Variants in LITAF observed in about 807,000 individuals in gnomAD.
LITAF encodes the protein lipopolysaccharide induced TNF factor.
In LITAF, 9 loss-of-function variants were observed where a neutral mutation model predicts 14.5. That is an observed-to-expected ratio of 0.62 (90% CI 0.37 to 1.08). LITAF has a LOEUF of 1.08. Among genes scored for constraint, LITAF ranks in the 50% least tolerant of loss-of-function variants. The pLI is 0.01. For synonymous variants in LITAF, 98 were observed against 88.2 expected (o/e 1.11, Z -0.62); for missense variants, 206 against 213.4 (o/e 0.97, Z 0.22).
chr16:11,601,977 A>T (rs541278642), upstream of LITAF, among the ~76,000 whole-genome samples: 1 of 152,324 alleles, frequency 6.6e-6, no homozygotes, highest in African/African-American at 2.4e-5. Context: ...ACATGACCTC[A>T]ATAGTGATAG....
At chr16:11,568,680 T>C (rs1047307410) in intron 1 of LITAF, among the ~76,000 whole-genome samples, 1 of 126,440 alleles carries the variant, frequency 7.9e-6, no homozygotes, top group Non-Finnish European at 1.7e-5. Flanking sequence ...CTTGTTTTTT[T>C]TTGTTTTTTT....
At chr16:11,581,395 G>A (rs1263130732) in intron 1 of LITAF, among the ~76,000 whole-genome samples, 1 of 152,160 alleles carries the variant, frequency 6.6e-6, no homozygotes, top group African/African-American at 2.4e-5. Context: ...GCCTGTAATG[G>A]CAATACTTTG....
At chr16:11,568,949 G>C (rs992830579) in intron 1 of LITAF, among the ~76,000 whole-genome samples, 1 of 152,074 alleles carries the variant, frequency 6.6e-6, no homozygotes, top group African/African-American at 2.4e-5. Flanking sequence ...CAAAGTGCTG[G>C]AATTACAGGC....
chr16:11,559,653 T>C (rs1455498395), intron 1 of LITAF, among the ~76,000 whole-genome samples: 5 of 151,846 alleles, frequency 3.3e-5, no homozygotes, highest in Non-Finnish European at 4.4e-5. Flanking sequence ...TATATGAAGT[T>C]AAGTAAAATG....
At chr16:11,624,036 G>A (rs1029020860) in intron 3 of LITAF, among the ~76,000 whole-genome samples, 1 of 152,122 alleles carries the variant, frequency 6.6e-6, no homozygotes. Flanking sequence ...TGTAATCCCA[G>A]TACTTTGGGA....
chr16:11,595,013 A>T (rs2064873942), intron 1 of LITAF, among the ~76,000 whole-genome samples: 1 of 152,196 alleles, frequency 6.6e-6, no homozygotes, highest in African/African-American at 2.4e-5. Flanking sequence ...CTAATGTTTC[A>T]AGAACAAATG....
intron 1 of LITAF, among the ~76,000 whole-genome samples, chr16:11,596,835 T>G (rs1045304202): frequency 4.3e-3 from 392 of 91,800 alleles, no homozygotes; most frequent in Admixed American, 5.8e-3. Flanking sequence ...GAGGAGGAGG[T>G]GGTGGGGAGG....
At chr16:11,592,899 G>A (rs1396823088) in intron 1 of LITAF, among the ~76,000 whole-genome samples, 2 of 152,100 alleles carry the variant, frequency 1.3e-5, no homozygotes, top group African/African-American at 4.8e-5. Flanking sequence ...GGCCGGGTGT[G>A]GTGGCTCACG....
intron 1 of LITAF, among the ~76,000 whole-genome samples, chr16:11,567,010 T>A (rs2064460915): frequency 6.6e-6 from 1 of 152,186 alleles, no homozygotes; most frequent in Non-Finnish European, 1.5e-5. Context: ...AGAACTGGAA[T>A]CCGTGAATTG....
rs28522129 is a variant in LITAF, at chr16:11,558,916, T to C, written c.-5-2181A>G. Among the ~76,000 whole-genome samples the C allele has an allele frequency of 9.5e-3, 1,441 of 152,192 alleles. 17 individuals carry two copies. Among genetic ancestry groups the C allele is most frequent in the African/African-American group, 0.033 (1,357 of 41,524 alleles). On this transcript the variant is annotated intron_variant, in intron 1 of 3. Transcript: ENST00000622633. This position sits in a 1 kb window ranked among gnomAD's most constrained non-coding sequence, Gnocchi z 4.1. Reference sequence around the variant, plus strand: ...AATGCTCTGTATCTGCTGCCCAATATAGCAGCCACCAGTCACGTAAGGTTA... The same window carrying C: ...AATGCTCTGTATCTGCTGCCCAATACAGCAGCCACCAGTCACGTAAGGTTA...
intron 1 of LITAF, among the ~76,000 whole-genome samples, chr16:11,557,961 G>A (rs1479593642): frequency 1.3e-5 from 2 of 152,186 alleles, no homozygotes; most frequent in Admixed American, 1.3e-4. Context: ...GCAGCCATGG[G>A]GCAGCTGGAA....
chr16:11,588,809 T>TCTTC (rs952918911), upstream of LITAF, among the ~76,000 whole-genome samples: 2 of 152,062 alleles, frequency 1.3e-5, no homozygotes, highest in African/African-American at 4.8e-5. Context: ...TGAATGCTTT[T>TCTTC]CTTCCTTCCT....
chr16:11,584,661 C>G (rs2064782775), intron 1 of LITAF, among the ~76,000 whole-genome samples: 2 of 152,162 alleles, frequency 1.3e-5, no homozygotes, highest in African/African-American at 2.4e-5. Flanking sequence ...TTAGCTGCCT[C>G]CTTTCCACTG....
intron 3 of LITAF, among the ~76,000 whole-genome samples, chr16:11,552,741 G>C (rs959318752): frequency 6.6e-6 from 1 of 152,102 alleles, no homozygotes; most frequent in African/African-American, 2.4e-5. Context: ...TGGGGAGCGT[G>C]GTGCTCCTAG....
At chr16:11,581,747 C>T (rs953595285) in intron 1 of LITAF, among the ~76,000 whole-genome samples, 2 of 152,090 alleles carry the variant, frequency 1.3e-5, no homozygotes, top group African/African-American at 2.4e-5. Context: ...TAAAAAGATA[C>T]CTAGAATTTC....
In LITAF at chr16:11,632,119, G is replaced by A. The variant is rs1446815924; in HGVS notation, c.85+1414C>T. The stretch of plus-strand genomic sequence containing the variant: ...CCTGACCTCGTGATCCACCCGCCTC[G>A]GCCTCCCAAAGTGCTGGGATTACAG... On this transcript the variant is annotated intron_variant, in intron 3 of 3. Transcript: ENST00000574848. The surrounding 1 kb of genome is among the most constrained non-coding windows in gnomAD (Gnocchi z 4.8). Among the ~76,000 whole-genome samples the A allele has an allele frequency of 1.3e-5, 2 of 149,848 alleles. No homozygotes were observed. Among genetic ancestry groups the A allele is most frequent in the Non-Finnish European group, 3.0e-5 (2 of 67,216 alleles).
At chr16:11,557,004 C>A (rs2064280661) in intron 1 of LITAF, among the ~76,000 whole-genome samples, 1 of 152,100 alleles carries the variant, frequency 6.6e-6, no homozygotes, top group Non-Finnish European at 1.5e-5. Flanking sequence ...TTCTTCACAT[C>A]TTAAACCATT....
chr16:11,632,643 G>C lies in LITAF; in HGVS notation c.85+890C>G, dbSNP rs1304879148. On this transcript the variant is annotated intron_variant, in intron 3 of 3. Coordinates refer to the LITAF transcript ENST00000574848. This position sits in a 1 kb window ranked among gnomAD's most constrained non-coding sequence, Gnocchi z 4.8. Reference sequence around the variant, plus strand: ...AGGAAGCCCCACCGAGCCAGAGCCAGGGGAAGAACTGATGGCTGGACCCCA... The same window carrying C: ...AGGAAGCCCCACCGAGCCAGAGCCACGGGAAGAACTGATGGCTGGACCCCA... Among the ~76,000 whole-genome samples, 2 of 152,184 alleles carry C rather than the reference G, an allele frequency of 1.3e-5. No homozygotes were observed. Among genetic ancestry groups the C allele is most frequent in the African/African-American group, 2.4e-5 (1 of 41,454 alleles).
intron 3 of LITAF, among the ~76,000 whole-genome samples, chr16:11,623,998 C>T (rs905473613): frequency 6.6e-6 from 1 of 152,038 alleles, no homozygotes; most frequent in Admixed American, 6.6e-5. Context: ...AAGAATCACT[C>T]TCTTGGCCAG....
Sources: allele counts gnomAD v4.1 joint callset (sites outside exome capture counted in the v4.1 genomes callset), GRCh38; gene constraint gnomAD v4.1.1; non-coding constraint Gnocchi (gnomAD v3.1); transcripts MANE v1.5; gene names NCBI Gene and HGNC (gene_info 2026-07-23, HGNC 2026-07-21).